PEX5L: variants seen among roughly 807,000 people sequenced by gnomAD.
PEX5L encodes the protein peroxisomal biogenesis factor 5 like, also known as PEX5-related protein.
Under a neutral mutation model 84.0 loss-of-function variants are expected in PEX5L, and 30 were observed. The ratio of observed to expected loss-of-function variants is 0.36; its 90% CI spans 0.27 to 0.48. PEX5L has a LOEUF of 0.48. Ranked by LOEUF, PEX5L falls within the 20% of genes least tolerant of loss-of-function variation. The pLI is 0.99. For synonymous variants in PEX5L, 270 were observed against 283.1 expected (o/e 0.95, Z 0.46); for missense variants, 533 against 754.6 (o/e 0.71, Z 3.44).
chr3:179,972,457 C>A (rs752457024), intron 1 of PEX5L, among the ~76,000 whole-genome samples: 89 of 151,778 alleles, frequency 5.9e-4, no homozygotes, highest in Admixed American at 1.4e-3. Context: ...CTTTTTTTCT[C>A]CCAACGCAAC....
intron 2 of PEX5L, among the ~76,000 whole-genome samples, chr3:179,898,699 T>C (rs920889403): frequency 2.0e-5 from 3 of 149,834 alleles, no homozygotes; most frequent in African/African-American, 7.3e-5. Context: ...ATCTCTGGAG[T>C]CTTTGCCATT....
rs534729945 is a variant in PEX5L, at chr3:179,913,086, T to G, written c.94-14840A>C. ...GGTGTTTTGTTCCCTTTAGTCAGTC[T>G]TGAAGAGATGAAAATTTTCAGCTAA... On this transcript the variant is annotated intron_variant, in intron 2 of 14. Coordinates refer to ENST00000467460, the MANE Select transcript of PEX5L (RefSeq NM_016559.3). Among the ~76,000 whole-genome samples, 197 of 152,298 alleles carry G rather than the reference T, an allele frequency of 1.3e-3. 1 individual carries two copies. Among genetic ancestry groups the G allele is most frequent in the African/African-American group, 4.4e-3 (184 of 41,594 alleles).
At chr3:179,954,210 G>T (rs893566472) in intron 2 of PEX5L, among the ~76,000 whole-genome samples, 5 of 136,390 alleles carry the variant, frequency 3.7e-5, no homozygotes, top group African/African-American at 1.3e-4. Flanking sequence ...TAGTCGGGGG[G>T]GGGGGAAAAA....
chr3:179,813,458 A>G (rs879735846), intron 10 of PEX5L, among the ~76,000 whole-genome samples: 5 of 152,146 alleles, frequency 3.3e-5, no homozygotes, highest in Non-Finnish European at 5.9e-5. Context: ...ATAGTTTCAT[A>G]TTAGTGTAAT....
intron 1 of PEX5L, 107 bp downstream of exon 1, chr3:180,036,469 TCAC>T (rs1477842888): frequency 2.0e-6 from 2 of 1,016,138 alleles, no homozygotes; most frequent in African/African-American, 3.1e-5. Context: ...TTGCATCACT[TCAC>T]TTGTTGAGCT....
At chr3:179,916,439 T>C (rs1007630603) in intron 2 of PEX5L, among the ~76,000 whole-genome samples, 13 of 152,044 alleles carry the variant, frequency 8.6e-5, no homozygotes, top group African/African-American at 3.1e-4. Context: ...AATAAAAAAA[T>C]GGTATACCAA....
rs961926542 is a variant in PEX5L, at chr3:179,800,760, A to T, written c.*1068T>A. On this transcript the variant is annotated 3_prime_UTR_variant, in exon 15 of 15. Transcript: ENST00000467460. ...TAAGAAAACATAATTTTTAGGAAAA[A>T]ATGTTATTTATCACTCTTAAGAAAT... The T allele has an allele frequency of 6.6e-6, 1 of 152,224 alleles. No individual in the cohort carries two copies. Among genetic ancestry groups the T allele is most frequent in the Non-Finnish European group, 1.5e-5 (1 of 68,046 alleles). 9.4% of individuals were successfully genotyped at this position (152,224 alleles called of 1,614,324 possible).
At chr3:179,864,213 T>C (rs1747320752) in intron 7 of PEX5L, among the ~76,000 whole-genome samples, 1 of 152,128 alleles carries the variant, frequency 6.6e-6, no homozygotes, top group African/African-American at 2.4e-5. Flanking sequence ...ATGAAATCAG[T>C]ATGTCTAAGC....
intron 1 of PEX5L, among the ~76,000 whole-genome samples, chr3:179,975,305 A>G (rs1472794999): frequency 6.6e-6 from 1 of 152,242 alleles, no homozygotes; most frequent in Non-Finnish European, 1.5e-5. Flanking sequence ...TGGGCTAGAG[A>G]TCTGAAAAAT....
At chr3:180,005,910 T>C (rs1788846394) in intron 1 of PEX5L, among the ~76,000 whole-genome samples, 1 of 152,230 alleles carries the variant, frequency 6.6e-6, no homozygotes, top group Non-Finnish European at 1.5e-5. Flanking sequence ...TTCTTTCTTA[T>C]CTTTTCAAAA....
intron 1 of PEX5L, among the ~76,000 whole-genome samples, chr3:179,991,248 A>G (rs1787349032): frequency 1.3e-5 from 2 of 152,210 alleles, no homozygotes; most frequent in Admixed American, 1.3e-4. Context: ...GGCAGGCCAC[A>G]AATAATTTCA....
chr3:179,829,318 CA>C (rs993525599), intron 8 of PEX5L, among the ~76,000 whole-genome samples: 10 of 152,102 alleles, frequency 6.6e-5, no homozygotes, highest in African/African-American at 2.4e-4. Context: ...TTCTGATGAC[CA>C]AAAACTTTTA....
intron 8 of PEX5L, 145 bp from the exon 9 acceptor site, chr3:179,820,121 G>A: frequency 9.1e-7 from 1 of 1,104,468 alleles, no homozygotes; most frequent in Non-Finnish European, 1.3e-6. Flanking sequence ...TGGCTGAAGA[G>A]CTTCTGGAGG....
chr3:180,018,393 T>C (rs1790122915), intron 1 of PEX5L, among the ~76,000 whole-genome samples: 2 of 152,192 alleles, frequency 1.3e-5, no homozygotes, highest in African/African-American at 4.8e-5. Context: ...GAATGCAACA[T>C]AGTCTTGCTT....
chr3:179,927,268 C>G (rs1403519644), intron 2 of PEX5L, among the ~76,000 whole-genome samples: 1 of 152,028 alleles, frequency 6.6e-6, no homozygotes. Flanking sequence ...AGACAGGGAC[C>G]CTGACTAAGT....
chr3:179,847,059 A>ATGTGTG (rs749528776), intron 8 of PEX5L, among the ~76,000 whole-genome samples: 3 of 111,874 alleles, frequency 2.7e-5, no homozygotes, highest in Non-Finnish European at 5.8e-5. Context: ...CCCTTTCTCC[A>ATGTGTG]TGTGTGTGTG....
chr3:179,985,715 C>G lies in PEX5L; in HGVS notation c.22-14050G>C, dbSNP rs967262709. On this transcript the variant is annotated intron_variant, in intron 1 of 14. Coordinates refer to ENST00000467460, the MANE Select transcript of PEX5L (RefSeq NM_016559.3). ...GGTCCTGTTAGCTTCACACCTGAAG[C>G]CTCTCTCTGCCCAGTACCTTCAGAA... Among the ~76,000 whole-genome samples, 7 of 152,184 alleles carry G rather than the reference C, an allele frequency of 4.6e-5. No individual in the cohort carries two copies. The East Asian group carries it at 1.2e-3, about 25-fold the overall frequency.
rs115203074 is a variant in PEX5L, at chr3:179,875,464, T to G, written c.519A>C (p.Gln173His). ...TSSLDLDIQT[Q>H]LEKWDDVKFH... ...ACTTAACATCGTCCCATTTTTCCAGTTGTGTTTGAATGTCTAGTAAGTACA... is the reference window on the plus strand; with the variant it reads ...ACTTAACATCGTCCCATTTTTCCAGGTGTGTTTGAATGTCTAGTAAGTACA... The change falls in exon 6 of 15, where the codon CAA becomes CAC. Residue 173 changes from glutamine to histidine, a missense_variant. Gln to His is a conservative substitution (Grantham distance 24). Coordinates refer to ENST00000467460, the MANE Select transcript of PEX5L (RefSeq NM_016559.3). 2.3e-3 allele frequency: 3,770 copies of G among 1,613,762 alleles called. 84 individuals are homozygous for G. The African/African-American group carries it at 0.045, about 19-fold the overall frequency.
intron 13 of PEX5L, 46 bp from the exon 14 acceptor site, chr3:179,807,877 A>G (rs1463023299): frequency 1.3e-6 from 2 of 1,526,574 alleles, no homozygotes; most frequent in Non-Finnish European, 1.8e-6. Flanking sequence ...ACAAGGCACA[A>G]TGACAGAGCA....
Sources: allele counts gnomAD v4.1 joint callset (sites outside exome capture counted in the v4.1 genomes callset), GRCh38; gene constraint gnomAD v4.1.1; transcripts MANE v1.5; gene names NCBI Gene and HGNC (gene_info 2026-07-23, HGNC 2026-07-21).